Variants in FRMPD4 observed in about 807,000 individuals in gnomAD.
FRMPD4 encodes the protein FERM and PDZ domain containing 4.
A neutral mutation model predicts 94.1 loss-of-function variants in FRMPD4; 22 were observed. That is an observed-to-expected ratio of 0.23 (90% CI 0.17 to 0.33). The LOEUF (loss-of-function observed/expected upper bound fraction) is 0.33. FRMPD4 is among the 10% of genes least tolerant of loss of function. The pLI, the probability that FRMPD4 is intolerant of heterozygous loss-of-function variation, is 1.00. For missense variants in FRMPD4, 1,111 were observed against 1,339.9 expected, an observed-to-expected ratio of 0.83 and a Z score of 2.67; for synonymous variants, 631 against 548.6, an observed-to-expected ratio of 1.15 and a Z score of -2.10.
At chrX:11,996,076 C>A (rs1465544954) in intron 3 of FRMPD4, among the ~76,000 whole-genome samples, 2 of 109,609 alleles carry the variant, frequency 1.8e-5, no homozygotes, top group African/African-American at 6.6e-5. Context: ...ATTTGCCAGG[C>A]ATAAAGATTT....
intron 1 of FRMPD4, among the ~76,000 whole-genome samples, chrX:12,388,231 A>T (rs1462411677): frequency 2.7e-5 from 3 of 112,023 alleles, no homozygotes; most frequent in African/African-American, 9.7e-5. Context: ...TGATTTATGT[A>T]CTTCATTGTA....
At chrX:12,389,978 G>A (rs1448235272) in intron 1 of FRMPD4, among the ~76,000 whole-genome samples, 1 of 111,892 alleles carries the variant, frequency 8.9e-6, no homozygotes, top group Non-Finnish European at 1.9e-5. Context: ...GTTCCATTAG[G>A]GGATCTAACG....
At chrX:12,405,704 ATTAATATAT>A (rs1408423501) in intron 1 of FRMPD4, among the ~76,000 whole-genome samples, 1 of 111,625 alleles carries the variant, frequency 9.0e-6, no homozygotes, top group East Asian at 2.8e-4. Flanking sequence ...CTTTTCTGGA[ATTAATATAT>A]TAGTGACTAA....
At chrX:11,848,356 A>T (rs2053595266) in intron 1 of FRMPD4, among the ~76,000 whole-genome samples, 1 of 111,095 alleles carries the variant, frequency 9.0e-6, no homozygotes, top group African/African-American at 3.3e-5. Flanking sequence ...TCTAAGTGTT[A>T]CTCCTTTGCC....
chrX:12,172,102 G>A (rs992401321), intron 1 of FRMPD4, among the ~76,000 whole-genome samples: 1 of 111,547 alleles, frequency 9.0e-6, no homozygotes, highest in Non-Finnish European at 1.9e-5. Context: ...TTTAGGGTTA[G>A]TTATATCTTA....
At chrX:12,458,034 G>A (rs979036067) in intron 1 of FRMPD4, among the ~76,000 whole-genome samples, 5 of 111,768 alleles carry the variant, frequency 4.5e-5, no homozygotes, top group African/African-American at 1.6e-4. Context: ...GTAATTTATG[G>A]TGAACAACTG....
chrX:12,576,913 T>C (rs779935976), intron 2 of FRMPD4, among the ~76,000 whole-genome samples: 1 of 112,283 alleles, frequency 8.9e-6, no homozygotes, highest in African/African-American at 3.2e-5. Context: ...GCTGTGTCTG[T>C]CACCTGGACT....
intron 2 of FRMPD4, among the ~76,000 whole-genome samples, chrX:12,506,112 G>A (rs1166171062): frequency 1.8e-5 from 2 of 111,251 alleles, no homozygotes; most frequent in African/African-American, 6.5e-5. Context: ...GAACTTAAAG[G>A]GTGCCGCTGA....
At chrX:12,707,332 T>C (rs1335815036) in intron 12 of FRMPD4, 137 bp from the exon 13 acceptor site, 5 of 460,330 alleles carry the variant, frequency 1.1e-5, no homozygotes, top group Non-Finnish European at 1.1e-5. Context: ...GTTCTTCTAA[T>C]TGGATGATTT....
intron 1 of FRMPD4, among the ~76,000 whole-genome samples, chrX:12,143,602 G>C (rs2055722133): frequency 9.0e-6 from 1 of 111,554 alleles, no homozygotes; most frequent in Non-Finnish European, 1.9e-5. Context: ...CAGCACACAT[G>C]TGGGCACACA....
At chrX:12,619,133 C>T (rs2059264268) in intron 4 of FRMPD4, among the ~76,000 whole-genome samples, 1 of 111,906 alleles carries the variant, frequency 8.9e-6, no homozygotes, top group Non-Finnish European at 1.9e-5. Flanking sequence ...AACTATCCCT[C>T]CATCTGCCCT....
intron 3 of FRMPD4, among the ~76,000 whole-genome samples, chrX:11,922,587 G>A (rs2054063656): frequency 8.9e-6 from 1 of 111,924 alleles, no homozygotes; most frequent in Admixed American, 9.4e-5. Context: ...AAAGCTCCAG[G>A]GGAATTGGTG....
At chrX:12,519,191 C>T (rs2058135059) in intron 2 of FRMPD4, among the ~76,000 whole-genome samples, 1 of 112,254 alleles carries the variant, frequency 8.9e-6, no homozygotes, top group Admixed American at 9.4e-5. Flanking sequence ...AAGAGGAAAA[C>T]ATTATCCTAA....
At chrX:11,920,029 C>T (rs2054046477) in intron 3 of FRMPD4, among the ~76,000 whole-genome samples, 1 of 111,948 alleles carries the variant, frequency 8.9e-6, no homozygotes, top group Non-Finnish European at 1.9e-5. Flanking sequence ...TTTTATGAAA[C>T]ATTAGGCAAA....
chrX:12,368,907 T>C (rs187333225), intron 1 of FRMPD4, among the ~76,000 whole-genome samples: 2 of 111,260 alleles, frequency 1.8e-5, no homozygotes, highest in Non-Finnish European at 3.8e-5. Context: ...CAAAAACCCA[T>C]GATATGTAAT....
In FRMPD4 at chrX:12,357,721, A is replaced by G. The variant is rs374538311; in HGVS notation, c.42-140959A>G. Among the ~76,000 whole-genome samples the G allele has an allele frequency of 7.1e-5, 8 of 112,468 alleles. No individual in the cohort carries two copies. In the South Asian group the frequency reaches 2.9e-3, roughly 41 times the overall value. ...ATGTGAGGCACATTTAACCTGCTTT[A>G]TGCCTTTGGGGCTTTGCTCCTTGAT... On this transcript the variant is annotated intron_variant, in intron 1 of 16. Coordinates refer to ENST00000675598, the MANE Select transcript of FRMPD4 (RefSeq NM_001368397.1).
intron 1 of FRMPD4, among the ~76,000 whole-genome samples, chrX:12,481,804 T>C (rs1490970536): frequency 9.5e-6 from 1 of 104,980 alleles, no homozygotes; most frequent in Non-Finnish European, 2.0e-5. Context: ...TGACCGGGTG[T>C]GGTGGCGTAC....
chrX:12,372,243 A>G (rs2056172841), intron 1 of FRMPD4, among the ~76,000 whole-genome samples: 1 of 112,678 alleles, frequency 8.9e-6, no homozygotes, highest in African/African-American at 3.2e-5. Context: ...CCAGTGTTTG[A>G]CATTCGCTAA....
chrX:11,931,467 T>C (rs1185200342), intron 3 of FRMPD4, among the ~76,000 whole-genome samples: 1 of 111,840 alleles, frequency 8.9e-6, no homozygotes, highest in East Asian at 2.8e-4. Flanking sequence ...CCTCTCCATG[T>C]AGTCTCAGTA....
Sources: allele counts gnomAD v4.1 joint callset (sites outside exome capture counted in the v4.1 genomes callset), GRCh38; gene constraint gnomAD v4.1.1; transcripts MANE v1.5; gene names NCBI Gene and HGNC (gene_info 2026-07-23, HGNC 2026-07-21).